The following UNC5C variants were observed in gnomAD, a reference collection of about 807,000 sequenced individuals.
UNC5C encodes the protein netrin receptor UNC5C.
In UNC5C, 47 loss-of-function variants were observed where a neutral mutation model predicts 99.8. The observed-to-expected ratio is 0.47, with a 90% CI of 0.37 to 0.60. The LOEUF (loss-of-function observed/expected upper bound fraction) is 0.60, where lower values mean the gene tolerates loss of function less well. Among genes scored for constraint, UNC5C ranks in the 20% least tolerant of loss-of-function variants. The pLI, the probability that UNC5C is intolerant of heterozygous loss-of-function variation, is 0.00. For synonymous variants in UNC5C, 487 were observed against 452.2 expected (o/e 1.08, Z -0.98); for missense variants, 1,062 against 1,165.9 (o/e 0.91, Z 1.30).
intron 1 of UNC5C, among the ~76,000 whole-genome samples, chr4:95,433,623 C>T (rs746957248): frequency 1.1e-4 from 16 of 152,016 alleles, no homozygotes; most frequent in Admixed American, 2.0e-4. Context: ...CAAGAACCGT[C>T]CCAGTAAATA....
intron 1 of UNC5C, among the ~76,000 whole-genome samples, chr4:95,486,944 A>T (rs1274104644): frequency 6.6e-6 from 1 of 151,694 alleles, no homozygotes; most frequent in Non-Finnish European, 1.5e-5. Context: ...ATTCTCATGA[A>T]TGGATCAAGG....
intron 2 of UNC5C, among the ~76,000 whole-genome samples, chr4:95,329,978 A>T (rs1019208589): frequency 2.0e-5 from 3 of 152,168 alleles, no homozygotes; most frequent in African/African-American, 7.2e-5. Flanking sequence ...ATTCTAAAGA[A>T]TGAGATAGAT....
intron 1 of UNC5C, among the ~76,000 whole-genome samples, chr4:95,384,646 T>G (rs1361577328): frequency 1.3e-5 from 2 of 152,112 alleles, no homozygotes; most frequent in African/African-American, 2.4e-5. Flanking sequence ...GGTCATTAAA[T>G]AATTTTTCAG....
At chr4:95,374,954 A>G (rs1744851789) in intron 1 of UNC5C, among the ~76,000 whole-genome samples, 1 of 152,230 alleles carries the variant, frequency 6.6e-6, no homozygotes, top group Admixed American at 6.5e-5. Context: ...ATAATGCTGA[A>G]TATTTAAATC....
In UNC5C at chr4:95,242,577, C is replaced by T. The variant is rs760640387; in HGVS notation, c.960G>A (p.Thr320=). Residue 320 remains threonine (T), a synonymous_variant, in exon 7 of 16, where the codon ACG becomes ACA. Coordinates refer to ENST00000453304, the MANE Select transcript of UNC5C (RefSeq NM_003728.4). The part of the protein sequence containing the change: ...TTLCPVDGRW[T]PWSKWSTCGT... ...CACAAGTAGACCACTTGCTCCATGG[C>T]GTCCACCTGCCATCCACTGCCATGG... The T allele has an allele frequency of 1.2e-4, 185 of 1,585,738 alleles. 1 individual carries two copies. The highest frequency in any genetic ancestry group is 2.3e-4 in the Admixed American group (13 of 56,256).
chr4:95,226,412 T>A (rs2149370976), intron 7 of UNC5C, among the ~76,000 whole-genome samples: 1 of 152,320 alleles, frequency 6.6e-6, no homozygotes, highest in South Asian at 2.1e-4. Context: ...GCTGGTACAT[T>A]GCCAGTAATC....
chr4:95,271,843 C>A (rs1740678548), intron 4 of UNC5C, among the ~76,000 whole-genome samples: 1 of 152,258 alleles, frequency 6.6e-6, no homozygotes, highest in African/African-American at 2.4e-5. Flanking sequence ...AAGTCTGCGC[C>A]CTCGTTCCCT....
chr4:95,338,186 A>G (rs890501396), intron 1 of UNC5C, among the ~76,000 whole-genome samples: 3 of 152,038 alleles, frequency 2.0e-5, no homozygotes, highest in African/African-American at 7.2e-5. Context: ...ACCTTACTCA[A>G]CCATCGAAGT....
chr4:95,176,259 T>C (rs1227658413), intron 14 of UNC5C, among the ~76,000 whole-genome samples: 3 of 152,272 alleles, frequency 2.0e-5, no homozygotes, highest in Non-Finnish European at 2.9e-5. Context: ...GGTCATTCCC[T>C]GTCCAGCTTT....
intron 2 of UNC5C, among the ~76,000 whole-genome samples, chr4:95,306,167 C>G (rs6532546): frequency 4.6e-5 from 7 of 151,526 alleles, no homozygotes; most frequent in African/African-American, 1.7e-4. Context: ...CATTACTTAG[C>G]CTTAAGCTCT....
intron 1 of UNC5C, among the ~76,000 whole-genome samples, chr4:95,361,944 A>T (rs9999043): frequency 0.13 from 20,253 of 151,510 alleles, 1,608 homozygotes; most frequent in African/African-American, 0.2. Flanking sequence ...TATATATATA[A>T]AAAACAGATT....
At chr4:95,184,228 C>T (rs1162950673) in intron 13 of UNC5C, among the ~76,000 whole-genome samples, 3 of 152,088 alleles carry the variant, frequency 2.0e-5, no homozygotes, top group Non-Finnish European at 4.4e-5. Flanking sequence ...GGCTTGTTTC[C>T]CATAATTTAT....
chr4:95,299,769 T>A (rs1304826386), intron 3 of UNC5C, among the ~76,000 whole-genome samples: 1 of 152,062 alleles, frequency 6.6e-6, no homozygotes, highest in Non-Finnish European at 1.5e-5. Flanking sequence ...TAGAACAGCA[T>A]AGGGAAAATC....
At chr4:95,544,675 A>G (rs1258591481) in intron 1 of UNC5C, among the ~76,000 whole-genome samples, 1 of 152,238 alleles carries the variant, frequency 6.6e-6, no homozygotes, top group Non-Finnish European at 1.5e-5. Context: ...TTTACTTCTA[A>G]TACCATACTC....
chr4:95,398,065 C>CTTTTTTTTTTTTTTTTTTTTTTT (rs1479323772), intron 1 of UNC5C, among the ~76,000 whole-genome samples: 1 of 45,698 alleles, frequency 2.2e-5, no homozygotes, highest in African/African-American at 1.1e-4. Context: ...TTTTTTTTTG[C>CTTTTTTTTTTTTTTTTTTTTTTT]TTATGTAAAA....
chr4:95,328,061 AATT>A (rs1560788150), intron 2 of UNC5C, among the ~76,000 whole-genome samples: 100 of 56,700 alleles, frequency 1.8e-3, no homozygotes, highest in Non-Finnish European at 3.1e-3. Flanking sequence ...TTTTTTTTTT[AATT>A]TTTTTTTTTT....
chr4:95,258,568 T>C (rs1415907388), intron 4 of UNC5C, among the ~76,000 whole-genome samples: 1 of 152,048 alleles, frequency 6.6e-6, no homozygotes, highest in East Asian at 1.9e-4. Context: ...TCAGTAACTA[T>C]AGTCCTTTCA....
rs1214385740 is a variant in UNC5C, at chr4:95,262,376, G to A, written c.595-11709C>T. Among the ~76,000 whole-genome samples, 6 of 152,234 alleles carry A rather than the reference G, an allele frequency of 3.9e-5. No homozygotes were observed. The East Asian group carries it at 9.7e-4, about 25-fold the overall frequency. On this transcript the variant is annotated intron_variant, in intron 4 of 15. Transcript: ENST00000453304. ...GGACACTGTTACAACATAAGTCCAC[G>A]TATTTCTACTTACTTATGTATGAGA...
chr4:95,493,539 A>G (rs1388852747), intron 1 of UNC5C, among the ~76,000 whole-genome samples: 1 of 151,440 alleles, frequency 6.6e-6, no homozygotes, highest in African/African-American at 2.4e-5. Flanking sequence ...AGCTTTATTA[A>G]ACTTTAACAA....
Sources: allele counts gnomAD v4.1 joint callset (sites outside exome capture counted in the v4.1 genomes callset), GRCh38; gene constraint gnomAD v4.1.1; transcripts MANE v1.5; gene names NCBI Gene and HGNC (gene_info 2026-07-23, HGNC 2026-07-21).